Variants in SERGEF observed in about 807,000 individuals in gnomAD.
SERGEF encodes the protein secretion-regulating guanine nucleotide exchange factor.
In SERGEF, 51 loss-of-function variants were observed where a neutral mutation model predicts 50.0. That is an observed-to-expected ratio of 1.02 (90% confidence interval 0.81 to 1.29). SERGEF has a LOEUF of 1.29. SERGEF is among the 50% of genes most tolerant of loss of function. The probability of loss-of-function intolerance (pLI) is 0.00; values close to 1 mark genes in which losing one functional copy is unlikely to be tolerated. For missense variants in SERGEF, 521 were observed against 557.0 expected (o/e 0.94, Z 0.65); for synonymous variants, 205 against 212.4 (o/e 0.97, Z 0.30).
intron 10 of SERGEF, among the ~76,000 whole-genome samples, chr11:17,851,387 A>C (rs1269299750): frequency 6.6e-6 from 1 of 152,150 alleles, no homozygotes; most frequent in South Asian, 2.1e-4. Flanking sequence ...GTTGCAAGGA[A>C]GAAATGAAGA....
At chr11:18,012,913 C>G in intron 1 of SERGEF, 38 bp downstream of exon 1, 1 of 1,535,864 alleles carries the variant, frequency 6.5e-7, no homozygotes, top group Non-Finnish European at 8.7e-7. Flanking sequence ...CTCGGCGCCC[C>G]TCAGGGCCTG....
At position 17,991,946 on chromosome 11, in the gene SERGEF, CAAAA is replaced by C. The variant is rs1339900804; in HGVS notation, c.685+981_685+984del. Among the ~76,000 whole-genome samples, 1 of 152,180 alleles carries C rather than the reference CAAAA, an allele frequency of 6.6e-6. No individual in the cohort carries two copies. Among genetic ancestry groups the C allele is most frequent in the African/African-American group, 2.4e-5 (1 of 41,438 alleles). On this transcript the variant is annotated intron_variant, in intron 7 of 10. Coordinates refer to ENST00000265965, the MANE Select transcript of SERGEF (RefSeq NM_012139.4). This position sits in a 1 kb window ranked among gnomAD's most constrained non-coding sequence, Gnocchi z 4.9. The stretch of plus-strand genomic sequence containing the variant: ...CAACTCTGTGAGAGGTCTTACCAAA[CAAAA>C]TATTATAAATCTCTCAGATGTATAG...
chr11:17,827,294 G>A (rs1346570265), intron 10 of SERGEF, among the ~76,000 whole-genome samples: 1 of 152,168 alleles, frequency 6.6e-6, no homozygotes, highest in Non-Finnish European at 1.5e-5. Flanking sequence ...ACTGCATCAG[G>A]GCCGCTGGAT....
chr11:17,988,982 C>T (rs1853654435), intron 7 of SERGEF, among the ~76,000 whole-genome samples: 1 of 152,214 alleles, frequency 6.6e-6, no homozygotes, highest in East Asian at 1.9e-4. Flanking sequence ...TTCTTAGTAG[C>T]TTAAGAAATA....
chr11:17,788,332 G>T lies in SERGEF; in HGVS notation c.1130C>A (p.Pro377Gln). ...GTEANVWAPK[P>Q]VQALLSSSGL... ...TGACGATGACAGCAGAGCCTGCACC[G>T]GCTTTGGGGCCCAGACGTTGGCTTC... The change falls in exon 11 of 11, where the codon CCG (proline) becomes CAG (glutamine). Residue 377 changes from proline (P) to glutamine (Q), a missense_variant. Physicochemically the swap from Pro to Gln is moderately conservative, Grantham distance 76. Transcript: ENST00000265965. The T allele has an allele frequency of 6.2e-7, 1 of 1,614,144 alleles. No individual in the cohort carries two copies. The highest frequency in any genetic ancestry group is 1.3e-5 in the African/African-American group (1 of 75,038).
intron 9 of SERGEF, among the ~76,000 whole-genome samples, chr11:17,882,112 G>C (rs1851341502): frequency 6.6e-6 from 1 of 152,154 alleles, no homozygotes; most frequent in Admixed American, 6.5e-5. Flanking sequence ...TGTCTACCAA[G>C]GTAAATCTTT....
intron 10 of SERGEF, among the ~76,000 whole-genome samples, chr11:17,822,688 GCACACTGTCT>G (rs1336786078): frequency 6.6e-6 from 1 of 152,154 alleles, no homozygotes; most frequent in African/African-American, 2.4e-5. Context: ...GTGCCATCAG[GCACACTGTCT>G]CACTGAAGTT....
chr11:17,910,193 A>ACTCTCTCTCTCT (rs1219567785), intron 9 of SERGEF, among the ~76,000 whole-genome samples: 4 of 145,632 alleles, frequency 2.7e-5, no homozygotes, highest in African/African-American at 7.8e-5. Flanking sequence ...ACACACACAC[A>ACTCTCTCTCTCT]CTCTCTCTCT....
At chr11:17,951,235 C>CT (rs1353156872) in intron 9 of SERGEF, among the ~76,000 whole-genome samples, 1 of 152,300 alleles carries the variant, frequency 6.6e-6, no homozygotes, top group Non-Finnish European at 1.5e-5. Context: ...TAAAAAACAA[C>CT]TTTTTTTGTA....
At chr11:17,845,264 G>A (rs377597069) in intron 10 of SERGEF, among the ~76,000 whole-genome samples, 19 of 152,244 alleles carry the variant, frequency 1.2e-4, no homozygotes, top group Admixed American at 1.0e-3. Flanking sequence ...AGTTAAATTT[G>A]ATTTACCTTT....
At chr11:17,848,307 G>A (rs549261365) in intron 10 of SERGEF, among the ~76,000 whole-genome samples, 6 of 152,304 alleles carry the variant, frequency 3.9e-5, no homozygotes, top group Admixed American at 6.5e-5. Context: ...ACTAGAAGAA[G>A]AGCAGATATT....
At chr11:17,875,789 C>A (rs1428856459) in intron 10 of SERGEF, among the ~76,000 whole-genome samples, 2 of 152,186 alleles carry the variant, frequency 1.3e-5, no homozygotes, top group African/African-American at 4.8e-5. Flanking sequence ...GTTGCTTATA[C>A]CCTTGGGCAA....
intron 9 of SERGEF, among the ~76,000 whole-genome samples, chr11:17,927,619 G>C (rs1354583034): frequency 6.6e-6 from 1 of 152,206 alleles, no homozygotes; most frequent in Non-Finnish European, 1.5e-5. Context: ...CCTTTGTAAA[G>C]TCACAGTCTC....
In SERGEF at chr11:18,009,947, C is replaced by T. The variant is rs186384857; in HGVS notation, c.61-1871G>A. On this transcript the variant is annotated intron_variant, in intron 1 of 10. Transcript: ENST00000265965. Reference sequence around the variant, plus strand: ...AGAAGTGGCCAAAGACTATAAATGGCCTTATGTCCAGTAAGTTTTGGGTTT... The same window carrying T: ...AGAAGTGGCCAAAGACTATAAATGGTCTTATGTCCAGTAAGTTTTGGGTTT... 6.7e-4 allele frequency: 232 copies of T among 346,970 alleles called. 1 individual carries two copies. The highest frequency in any genetic ancestry group is 2.0e-4 in the Non-Finnish European group (35 of 178,590). The allele number at this position is 346,970 out of a possible 1,614,324, so 21.5% of individuals were successfully genotyped here.
intron 5 of SERGEF, among the ~76,000 whole-genome samples, chr11:17,998,490 CATGT>C (rs1853890902): frequency 3.1e-5 from 2 of 64,274 alleles, no homozygotes; most frequent in Admixed American, 3.4e-4. Flanking sequence ...TATATATATG[CATGT>C]GTGAGTGTGT....
Position 17,975,191 on chromosome 11 carries a change from A to G in SERGEF, c.844+13406T>C, listed in dbSNP as rs577189604. Reference sequence around the variant, plus strand: ...CACATTGAGCGAAGCAAGGCTAAGTACCCAAGTAGAGTGAGCCCATGTCTC... The same window carrying G: ...CACATTGAGCGAAGCAAGGCTAAGTGCCCAAGTAGAGTGAGCCCATGTCTC... On this transcript the variant is annotated intron_variant, in intron 8 of 10. Coordinates refer to ENST00000265965, the MANE Select transcript of SERGEF (RefSeq NM_012139.4). 2.0e-4 allele frequency among the ~76,000 whole-genome samples: 31 copies of G among 152,336 alleles called. No individual in the cohort carries two copies. The South Asian group carries it at 6.0e-3, about 30-fold the overall frequency.
intron 1 of SERGEF, chr11:18,012,709 A>T: frequency 8.9e-7 from 1 of 1,127,828 alleles, no homozygotes; most frequent in Non-Finnish European, 1.2e-6. Flanking sequence ...CCGCGGCGCC[A>T]CAGCCCCTCC....
At chr11:18,000,659 C>A in intron 4 of SERGEF, 102 bp from the exon 5 acceptor site, 1 of 866,568 alleles carries the variant, frequency 1.2e-6, no homozygotes, top group South Asian at 1.4e-5. Flanking sequence ...CATTATGGGT[C>A]TGACTGGTTT....
chr11:17,892,724 AG>A (rs1225122618), intron 9 of SERGEF, among the ~76,000 whole-genome samples: 1 of 152,232 alleles, frequency 6.6e-6, no homozygotes, highest in Non-Finnish European at 1.5e-5. Context: ...CAAGACTACC[AG>A]GAACTTGTGT....
Sources: allele counts gnomAD v4.1 joint callset (sites outside exome capture counted in the v4.1 genomes callset), GRCh38; gene constraint gnomAD v4.1.1; non-coding constraint Gnocchi (gnomAD v3.1); transcripts MANE v1.5; gene names NCBI Gene and HGNC (gene_info 2026-07-23, HGNC 2026-07-21).